Variants in PIK3C2B observed in about 807,000 individuals in gnomAD.
The protein encoded by PIK3C2B is phosphatidylinositol-4-phosphate 3-kinase catalytic subunit type 2 beta.
In PIK3C2B, 83 loss-of-function variants were observed where a neutral mutation model predicts 184.3. The ratio of observed to expected loss-of-function variants is 0.45; its 90% CI spans 0.38 to 0.54. The LOEUF (loss-of-function observed/expected upper bound fraction) is 0.54, where lower values mean the gene tolerates loss of function less well. PIK3C2B is among the 20% of genes least tolerant of loss of function. The pLI is 0.00. For missense variants in PIK3C2B, 1,736 were observed against 2,113.5 expected (o/e 0.82, Z 3.50); for synonymous variants, 779 against 837.6 (o/e 0.93, Z 1.21).
In PIK3C2B at chr1:204,456,035, G is replaced by A. The variant is rs1363231505; in HGVS notation, c.1764C>T (p.Ala588=). The part of the protein sequence containing the change: ...VRENREKVVE[A]LTAAILDLVE... ...CCAGGTCCAAGATGGCAGCGGTCAG[G>A]GCTTCCACGACCTTCTCTGGGAAGG... Residue 588 remains alanine, a synonymous_variant, in exon 11 of 33, where the codon GCC becomes GCT. Transcript: ENST00000684373. 8 of 1,613,364 alleles carry A rather than the reference G, an allele frequency of 5.0e-6. No homozygotes were observed. The highest frequency in any genetic ancestry group is 3.3e-5 in the South Asian group (3 of 91,050).
In PIK3C2B at chr1:204,446,014, G is replaced by A. The variant is rs150208893; in HGVS notation, c.2620C>T (p.Leu874Phe). 5.0e-6 allele frequency: 8 copies of A among 1,601,844 alleles called. No homozygotes were observed. Among genetic ancestry groups the A allele is most frequent in the Non-Finnish European group, 3.4e-6 (4 of 1,171,830 alleles). The change falls in exon 16 of 33, where the codon CTC (leucine) becomes TTC (phenylalanine). Residue 874 changes from leucine (L) to phenylalanine (F), a missense_variant. Physicochemically the swap from Leu to Phe is conservative, Grantham distance 22 (BLOSUM62 0). Around this residue, in one of 8 missense-constraint regions of PIK3C2B, gnomAD observed 609 missense variants for 699.2 expected, o/e 0.87. Transcript: ENST00000684373. ...TTCATGTGGGTCCACTGCTTCAGGA[G>A]AACATAGATGTCAGGCAGGCAAGCC... ...EWACLPDIYV[L>F]LKQWTHMNHQ...
chr1:204,468,153 C>T lies in PIK3C2B; in HGVS notation c.933+717G>A, dbSNP rs189265903. Among the ~76,000 whole-genome samples the T allele has an allele frequency of 7.4e-4, 112 of 152,226 alleles. 1 individual carries two copies. The highest frequency in any genetic ancestry group is 2.2e-3 in the African/African-American group (91 of 41,530). On this transcript the variant is annotated intron_variant, in intron 2 of 32. Coordinates refer to ENST00000684373, the MANE Select transcript of PIK3C2B (RefSeq NM_001377334.1). ...AGAGATGAATAATGCAAGGGTTGCACGACAATGTGAATGTCGTCAGTGCCA... is the reference window on the plus strand; with the variant it reads ...AGAGATGAATAATGCAAGGGTTGCATGACAATGTGAATGTCGTCAGTGCCA...
chr1:204,430,752 G>A (rs1465731685), intron 28 of PIK3C2B, among the ~76,000 whole-genome samples: 1 of 151,908 alleles, frequency 6.6e-6, no homozygotes, highest in African/African-American at 2.4e-5. Flanking sequence ...TCTGCCTCCC[G>A]GGTTCAAGCG....
Position 204,431,532 on chromosome 1 carries a change from A to C in PIK3C2B, c.4280+137T>G, listed in dbSNP as rs559591440. The C allele has an allele frequency of 6.4e-6, 7 of 1,100,014 alleles. No homozygotes were observed. In the East Asian group the frequency reaches 1.5e-4, roughly 23 times the overall value. 68.1% of individuals were successfully genotyped at this position (1,100,014 alleles called of 1,614,324 possible). A position where few individuals can be genotyped will look rare whatever the true frequency, so the allele number is the denominator to read the frequency against. ...GGGGGAGCACTTGTCATCAAACTCC[A>C]TACCAGGCCAAGCAAAGCAGGCAGA... On this transcript the variant is annotated intron_variant, in intron 28 of 32. Transcript: ENST00000684373.
In PIK3C2B at chr1:204,434,468, G is replaced by A; in HGVS notation, c.3657C>T (p.Gly1219=). The A allele has an allele frequency of 6.2e-7, 1 of 1,614,196 alleles. No homozygotes were observed. Among genetic ancestry groups the A allele is most frequent in the Non-Finnish European group, 8.5e-7 (1 of 1,179,996 alleles). ...TGATGTTGCCAAACATCTGGGCATG[G>A]CCCAGGAAGCGGCCAAAATCAATGT... ...MFHIDFGRFL[G]HAQMFGNIKR... Residue 1219 remains glycine, a synonymous_variant, in exon 24 of 33, where the codon GGC becomes GGT. Coordinates refer to ENST00000684373, the MANE Select transcript of PIK3C2B (RefSeq NM_001377334.1).
intron 9 of PIK3C2B, among the ~76,000 whole-genome samples, chr1:204,457,275 C>T (rs1333132349): frequency 2.0e-5 from 3 of 152,210 alleles, no homozygotes; most frequent in Non-Finnish European, 4.4e-5. Context: ...TAGCAATCAT[C>T]GGGTCCACCC....
At chr1:204,464,376 A>T in intron 4 of PIK3C2B, 74 bp downstream of exon 4, 1 of 1,299,524 alleles carries the variant, frequency 7.7e-7, no homozygotes, top group East Asian at 2.6e-5. Flanking sequence ...ATGAGGTGGA[A>T]ATCGAGTCAA....
In PIK3C2B at chr1:204,491,527, T is replaced by C. The variant is rs375485470; in HGVS notation, c.-85+2829A>G. 3.9e-5 allele frequency among the ~76,000 whole-genome samples: 6 copies of C among 152,218 alleles called. No individual in the cohort carries two copies. In the South Asian group the frequency reaches 1.2e-3, roughly 32 times the overall value. On this transcript the variant is annotated intron_variant, in intron 1 of 32. Transcript: ENST00000684373. ...GGGCAACATACTGAGACCCCATCTC[T>C]ACAAAAACTTAAAAAATTAGCCACA...
chr1:204,446,839 G>A (rs1416964520), intron 15 of PIK3C2B, among the ~76,000 whole-genome samples: 4 of 152,104 alleles, frequency 2.6e-5, no homozygotes, highest in African/African-American at 4.8e-5. Context: ...CACAACACAC[G>A]CACAGGGCTG....
At chr1:204,450,092 G>C in intron 12 of PIK3C2B, 75 bp from the exon 13 acceptor site, 1 of 1,164,766 alleles carries the variant, frequency 8.6e-7, no homozygotes, top group Non-Finnish European at 1.2e-6. Flanking sequence ...AGGAAGTCAG[G>C]CTGAGGCTGA....
At chr1:204,470,011 A>T (rs963556428) in intron 1 of PIK3C2B, 125 bp from the exon 2 acceptor site, 3 of 577,970 alleles carry the variant, frequency 5.2e-6, no homozygotes, top group Non-Finnish European at 9.2e-6. Flanking sequence ...CAACTAATGG[A>T]ATGTACAGGA....
At chr1:204,466,395 A>C (rs1316893358) in intron 2 of PIK3C2B, among the ~76,000 whole-genome samples, 1 of 151,542 alleles carries the variant, frequency 6.6e-6, no homozygotes, top group Admixed American at 6.6e-5. Flanking sequence ...AGATGACAGC[A>C]ACTGAGCTCC....
At chr1:204,435,891 T>C (rs1675314617) in intron 23 of PIK3C2B, 1 of 152,128 alleles carries the variant, frequency 6.6e-6, no homozygotes, top group African/African-American at 2.4e-5. Flanking sequence ...GAAAGTAAAA[T>C]AAATGAATAA....
chr1:204,479,599 A>G (rs1656971265), intron 1 of PIK3C2B, among the ~76,000 whole-genome samples: 2 of 152,236 alleles, frequency 1.3e-5, no homozygotes, highest in African/African-American at 4.8e-5. Context: ...AGGACACAGA[A>G]AATGGGTGGA....
At position 204,447,602 on chromosome 1, in the gene PIK3C2B, G is replaced by A; in HGVS notation, c.2347-24C>T. On this transcript the variant is annotated intron_variant, in intron 14 of 32. Transcript: ENST00000684373. The surrounding 1 kb of genome is among the most constrained non-coding windows in gnomAD (Gnocchi z 4.1). ...ATCTGGGGGATGAGATCAGGGATGT[G>A]AGGAGAGAAAACAGGCAGCGTGTGT... is the stretch of plus-strand genomic sequence containing the variant. 1 of 1,588,886 alleles carries A rather than the reference G, an allele frequency of 6.3e-7. No individual in the cohort carries two copies.
chr1:204,429,672 C>T (rs1366317899), intron 29 of PIK3C2B, among the ~76,000 whole-genome samples: 1 of 152,162 alleles, frequency 6.6e-6, no homozygotes, highest in Non-Finnish European at 1.5e-5. Context: ...CGCTCATTCT[C>T]ATCATTCTCA....
At chr1:204,457,926 T>A in intron 8 of PIK3C2B, 52 bp from the exon 9 acceptor site, 1 of 1,564,048 alleles carries the variant, frequency 6.4e-7, no homozygotes, top group Non-Finnish European at 8.7e-7. Context: ...ATGCTCTTGG[T>A]CTCCAACCCC....
intron 1 of PIK3C2B, chr1:204,490,208 G>T: frequency 2.9e-6 from 1 of 347,054 alleles, no homozygotes; most frequent in Non-Finnish European, 5.2e-6. Flanking sequence ...TTCTCAGGAA[G>T]AGGAAGGAGT....
chr1:204,452,083 T>A (rs1248211606), intron 12 of PIK3C2B, among the ~76,000 whole-genome samples: 2 of 152,146 alleles, frequency 1.3e-5, no homozygotes, highest in Non-Finnish European at 2.9e-5. Flanking sequence ...CATTCGGGGC[T>A]TCTGGATGGA....
Sources: gnomAD v4.1 joint callset for allele counts (sites outside exome capture counted in the v4.1 genomes callset) on GRCh38, gnomAD v4.1.1 for gene constraint, gnomAD v4.1.1 regional missense constraint, Gnocchi (gnomAD v3.1) non-coding constraint, MANE v1.5 for transcripts, NCBI Gene and HGNC (gene_info 2026-07-23, HGNC 2026-07-21) for gene names.